SCAP: variants seen among roughly 807,000 people sequenced by gnomAD.
SCAP encodes sterol regulatory element-binding protein cleavage-activating protein.
A neutral mutation model predicts 123.6 loss-of-function variants in SCAP; 65 were observed. The observed-to-expected ratio is 0.53, with a 90% CI of 0.43 to 0.65. SCAP has a LOEUF of 0.65. SCAP is among the 30% of genes least tolerant of loss of function. The pLI is 0.00. For missense variants in SCAP, 1,398 were observed against 1,712.5 expected, an observed-to-expected ratio of 0.82 and a Z score of 3.24; for synonymous variants, 740 against 726.3, an observed-to-expected ratio of 1.02 and a Z score of -0.30.
chr3:47,473,080 C>CA lies in SCAP; in HGVS notation c.-99+2718dup, dbSNP rs34472664. Among the ~76,000 whole-genome samples, 80 of 38,054 alleles carry CA rather than the reference C, an allele frequency of 2.1e-3. 10 individuals are homozygous for CA. Among genetic ancestry groups the CA allele is most frequent in the East Asian group, 5.6e-3 (5 of 898 alleles). 25.0% of individuals were successfully genotyped at this position (38,054 alleles called of 152,430 possible). A position where few individuals can be genotyped will look rare whatever the true frequency, so the allele number is the denominator to read the frequency against. The stretch of plus-strand genomic sequence containing the variant: ...GGGCAAGAAGAGCGAAACTCCATCT[C>CA]AAAAAAAAAAAAAAAAAAACAGACT... On this transcript the variant is annotated intron_variant, in intron 1 of 22. Transcript: ENST00000265565.
rs201655319 is a variant in SCAP at position 47,425,630 on chromosome 3, G to A, written c.911-19C>T. 2.0e-4 allele frequency: 320 copies of A among 1,612,954 alleles called. 3 individuals carry two copies. The African/African-American group carries it at 3.5e-3, about 18-fold the overall frequency. On this transcript the variant is annotated intron_variant, in intron 7 of 22. Transcript: ENST00000265565. ...ATCTTCCCTGGAGGGCAGAGAGGGC[G>A]TATCAGGGCGGCCCCTCCCCCAGCC...
chr3:47,432,142 C>T (rs892554365), intron 3 of SCAP, among the ~76,000 whole-genome samples: 2 of 151,674 alleles, frequency 1.3e-5, no homozygotes, highest in Admixed American at 6.6e-5. Flanking sequence ...CATGGTGAAA[C>T]CCCGTCTCTA....
chr3:47,418,946 TCCA>T lies in SCAP; in HGVS notation c.1941-106_1941-104del. 3 of 1,236,774 alleles carry T rather than the reference TCCA, an allele frequency of 2.4e-6. No individual in the cohort carries two copies. The South Asian group carries it at 4.8e-5, about 20-fold the overall frequency. The allele number at this position is 1,236,774 out of a possible 1,614,324, so 76.6% of individuals were successfully genotyped here. ...CCCTCCTCCCCAGGCAGGCCTCAGC[TCCA>T]CCGGCCAGACTCTCCCAGCATGGGG... On this transcript the variant is annotated intron_variant, in intron 13 of 22. Coordinates refer to ENST00000265565, the MANE Select transcript of SCAP (RefSeq NM_012235.4).
chr3:47,427,637 A>G lies in SCAP; in HGVS notation c.441T>C (p.Cys147=). Residue 147 remains cysteine, a synonymous_variant, in exon 5 of 23, where the codon TGT becomes TGC. Transcript: ENST00000265565. The part of the protein sequence containing the change: ...SSGIRSLEEL[C]LQVTDLLPGL... ...CTGGCAGCAGGTCGGTCACTTGCAG[A>G]CACAACTCCTCCAAGCTCCTGATCC... 6.2e-7 allele frequency: 1 copy of G among 1,614,122 alleles called. No individual in the cohort carries two copies. Among genetic ancestry groups the G allele is most frequent in the Non-Finnish European group, 8.5e-7 (1 of 1,180,014 alleles).
chr3:47,417,043 C>T, intron 18 of SCAP, 79 bp downstream of exon 18: 1 of 1,296,808 alleles, frequency 7.7e-7, no homozygotes, highest in Non-Finnish European at 1.1e-6. Flanking sequence ...TTGAAGAGAA[C>T]CAGAACTCAA....
chr3:47,470,515 C>A (rs1200128023), intron 1 of SCAP, among the ~76,000 whole-genome samples: 1 of 152,198 alleles, frequency 6.6e-6, no homozygotes, highest in Non-Finnish European at 1.5e-5. Flanking sequence ...TAGGCATCAG[C>A]TCCTCAGGCA....
At chr3:47,415,061 C>T in intron 19 of SCAP, 37 bp downstream of exon 19, 2 of 1,584,178 alleles carry the variant, frequency 1.3e-6, no homozygotes, top group South Asian at 1.1e-5. Context: ...GCCCGTCCCA[C>T]CAAGTGTGAA....
rs185335030 is a variant in SCAP at position 47,437,295 on chromosome 3, C to T, written c.123-2158G>A. Among the ~76,000 whole-genome samples, 9 of 151,778 alleles carry T rather than the reference C, an allele frequency of 5.9e-5. No individual in the cohort carries two copies. The East Asian group carries it at 1.6e-3, about 26-fold the overall frequency. On this transcript the variant is annotated intron_variant, in intron 2 of 22. Coordinates refer to ENST00000265565, the MANE Select transcript of SCAP (RefSeq NM_012235.4). ...TCTCTACTAAAAATTCAAAATTAGC[C>T]GGGCGTGGTGGCGTATGCCTGTAAT...
At chr3:47,440,879 T>G (rs544358058) in intron 2 of SCAP, among the ~76,000 whole-genome samples, 3 of 151,132 alleles carry the variant, frequency 2.0e-5, no homozygotes, top group Admixed American at 6.6e-5. Flanking sequence ...AAAAAAAGAA[T>G]GGGATAATAC....
chr3:47,446,392 T>C (rs1707043389), intron 1 of SCAP, among the ~76,000 whole-genome samples: 1 of 151,992 alleles, frequency 6.6e-6, no homozygotes, highest in South Asian at 2.1e-4. Context: ...AGGCTTGTCT[T>C]GAACTACTGA....
chr3:47,418,167 G>C lies in SCAP; in HGVS notation c.2414C>G (p.Thr805Ser). Reference sequence around the variant, plus strand: ...CGGAATGCGCGTTAGGCAATCCCCGGTCTGCGCGTCCCACACGCAGACGTG... The same window carrying C: ...CGGAATGCGCGTTAGGCAATCCCCGCTCTGCGCGTCCCACACGCAGACGTG... ...AGHVCVWDAQ[T>S]GDCLTRIPRP... Residue 805 changes from threonine to serine, a missense_variant, in exon 16 of 23, where the codon ACC becomes AGC. Around this residue, in one of 7 missense-constraint regions of SCAP, gnomAD observed 828 missense variants for 882.5 expected, o/e 0.94. Transcript: ENST00000265565. The C allele has an allele frequency of 6.4e-7, 1 of 1,571,594 alleles. No homozygotes were observed. Among genetic ancestry groups the C allele is most frequent in the Non-Finnish European group, 8.6e-7 (1 of 1,159,142 alleles).
intron 3 of SCAP, among the ~76,000 whole-genome samples, chr3:47,432,786 TC>T (rs2107853748): frequency 6.6e-6 from 1 of 152,332 alleles, no homozygotes; most frequent in Admixed American, 6.5e-5. Flanking sequence ...CAAGCGATCC[TC>T]CTGCCTCAGT....
chr3:47,419,884 C>A lies in SCAP; in HGVS notation c.1564-180G>T, dbSNP rs145413386. ...GTCCTCCTGCTAACACCTGCCAACA[C>A]TTGCTGCTGGAGGGGCCTGCTTGCC... On this transcript the variant is annotated intron_variant, in intron 12 of 22. Coordinates refer to ENST00000265565, the MANE Select transcript of SCAP (RefSeq NM_012235.4). This position sits in a 1 kb window ranked among gnomAD's most constrained non-coding sequence, Gnocchi z 5.0. Among the ~76,000 whole-genome samples, 61 of 152,350 alleles carry A rather than the reference C, an allele frequency of 4.0e-4. No individual in the cohort carries two copies. Among genetic ancestry groups the A allele is most frequent in the Middle Eastern group, 3.4e-3 (1 of 294 alleles).
At chr3:47,430,448 G>A (rs1403842082) in intron 3 of SCAP, among the ~76,000 whole-genome samples, 1 of 152,212 alleles carries the variant, frequency 6.6e-6, no homozygotes, top group Non-Finnish European at 1.5e-5. Context: ...AAGCTGAGTA[G>A]AGCCATAAGG....
chr3:47,446,556 A>C (rs765531867), intron 1 of SCAP, among the ~76,000 whole-genome samples: 1 of 150,892 alleles, frequency 6.6e-6, no homozygotes, highest in Non-Finnish European at 1.5e-5. Context: ...TTTTCTTTTG[A>C]GTATATTCAT....
rs927816104 is a variant in SCAP at position 47,413,714 on chromosome 3, G to T, written c.*140C>A. On this transcript the variant is annotated 3_prime_UTR_variant, in exon 23 of 23. Coordinates refer to ENST00000265565, the MANE Select transcript of SCAP (RefSeq NM_012235.4). ...AAAGTGCCTGACAGATGATGATATG[G>T]TTTTTTAAAAAAGTTTAATATTATT... 2.5e-6 allele frequency: 3 copies of T among 1,211,020 alleles called. No individual in the cohort carries two copies. Among genetic ancestry groups the T allele is most frequent in the Non-Finnish European group, 3.5e-6 (3 of 868,922 alleles). The allele number at this position is 1,211,020 out of a possible 1,614,324, so 75.0% of individuals were successfully genotyped here. A position where few individuals can be genotyped will look rare whatever the true frequency, so the allele number is the denominator to read the frequency against.
At chr3:47,432,868 C>T (rs1327070797) in intron 3 of SCAP, among the ~76,000 whole-genome samples, 1 of 152,160 alleles carries the variant, frequency 6.6e-6, no homozygotes, top group Non-Finnish European at 1.5e-5. Flanking sequence ...CTCTCATTCC[C>T]AGCAAGGTGC....
Position 47,422,446 on chromosome 3 carries a change from A to G in SCAP, c.1241T>C (p.Ile414Thr), listed in dbSNP as rs1457442948. Residue 414 changes from isoleucine to threonine, a missense_variant, in exon 10 of 23, where the codon ATC becomes ACC. Physicochemically the swap from Ile to Thr is moderately conservative, Grantham distance 89. This residue lies in a region of SCAP where 66 missense variants were observed against 116.3 expected (regional missense o/e 0.57). Coordinates refer to ENST00000265565, the MANE Select transcript of SCAP (RefSeq NM_012235.4). ...TGGCAGGCCTTGGGGCCTTACCTGG[A>G]TGGCGGGCACTAGGGTGAAGTAGCC... The part of the protein sequence containing the change: ...LIGYFTLVPA[I>T]QEFCLFAVVG... The G allele has an allele frequency of 6.2e-7, 1 of 1,613,272 alleles. No individual in the cohort carries two copies. The highest frequency in any genetic ancestry group is 1.7e-4 in the Middle Eastern group (1 of 6,050).
intron 18 of SCAP, 82 bp from the exon 19 acceptor site, chr3:47,415,262 G>C (rs1410665693): frequency 6.0e-6 from 8 of 1,323,936 alleles, no homozygotes; most frequent in African/African-American, 3.0e-5. Context: ...GAGAGTTAAG[G>C]GCCAGTTCAA....
Sources: allele counts gnomAD v4.1 joint callset (sites outside exome capture counted in the v4.1 genomes callset), GRCh38; gene constraint gnomAD v4.1.1; regional missense constraint gnomAD v4.1.1; non-coding constraint Gnocchi (gnomAD v3.1); transcripts MANE v1.5; gene names NCBI Gene and HGNC (gene_info 2026-07-23, HGNC 2026-07-21).